Variants in SLC35F2 observed in about 807,000 individuals in gnomAD.
SLC35F2 encodes the protein queuine/queuosine transporter SLC35F2.
In SLC35F2, 25 loss-of-function variants were observed where a neutral mutation model predicts 38.1. The observed-to-expected ratio is 0.66, with a 90% CI of 0.48 to 0.92. The LOEUF is 0.92. Ranked by LOEUF, SLC35F2 falls within the 40% of genes least tolerant of loss-of-function variation. The pLI is 0.00. For missense variants in SLC35F2, 409 were observed against 452.9 expected, an observed-to-expected ratio of 0.90 and a Z score of 0.88; for synonymous variants, 173 against 181.7, an observed-to-expected ratio of 0.95 and a Z score of 0.38.
intron 2 of SLC35F2, 108 bp from the exon 3 acceptor site, chr11:107,811,902 T>G: frequency 9.3e-7 from 1 of 1,069,756 alleles, no homozygotes; most frequent in Non-Finnish European, 1.3e-6. Flanking sequence ...TTTTTTCTTT[T>G]TTCTTCTTCT....
intron 3 of SLC35F2, chr11:107,810,048 A>G: frequency 1.0e-6 from 1 of 985,404 alleles, no homozygotes; most frequent in Non-Finnish European, 1.2e-6. Context: ...CTTAAGAAGA[A>G]GGTTCAAAGA....
intron 1 of SLC35F2, among the ~76,000 whole-genome samples, chr11:107,852,626 T>C (rs925189492): frequency 6.6e-6 from 1 of 151,782 alleles, no homozygotes; most frequent in South Asian, 2.1e-4. Flanking sequence ...TCCCAGCACT[T>C]TGGAGGGGGC....
intron 1 of SLC35F2, among the ~76,000 whole-genome samples, chr11:107,822,084 A>C (rs1158232239): frequency 6.6e-6 from 1 of 152,210 alleles, no homozygotes; most frequent in Non-Finnish European, 1.5e-5. Flanking sequence ...TTGGAAAAAT[A>C]CAAAAAAAAT....
chr11:107,850,878 T>G (rs1188493787), intron 1 of SLC35F2, among the ~76,000 whole-genome samples: 1 of 151,250 alleles, frequency 6.6e-6, no homozygotes, highest in Non-Finnish European at 1.5e-5. Context: ...TTGGGCACAG[T>G]GTCTCACACC....
Position 107,803,028 on chromosome 11 carries a change from A to G in SLC35F2, c.912T>C (p.Phe304=), listed in dbSNP as rs1372512930. 1.2e-6 allele frequency: 2 copies of G among 1,612,462 alleles called. No individual in the cohort carries two copies. The highest frequency in any genetic ancestry group is 1.1e-5 in the South Asian group (1 of 90,728). The change falls in exon 7 of 8, where the codon TTT becomes TTC. Residue 304 remains phenylalanine (F), a synonymous_variant. Transcript: ENST00000525815. ...GILTADLYSL[F]VGLFLFGYKF... is the part of the protein sequence containing the mutation. The stretch of plus-strand genomic sequence containing the variant: ...TATAGCCAAACAGAAAGAGTCCAAC[A>G]AAAAGGCTGTAGAGGTCCGCTGTCA...
At chr11:107,837,726 G>A (rs1318090701) in intron 1 of SLC35F2, among the ~76,000 whole-genome samples, 2 of 151,736 alleles carry the variant, frequency 1.3e-5, no homozygotes, top group East Asian at 3.9e-4. Context: ...TTAATTGTGG[G>A]AATAAAGATA....
At chr11:107,845,680 C>A (rs12296042) in intron 1 of SLC35F2, among the ~76,000 whole-genome samples, 4,384 of 149,310 alleles carry the variant, frequency 0.029, 195 homozygotes, top group African/African-American at 0.1. Context: ...TGGCTGGGCA[C>A]GGTGGCTCAT....
chr11:107,835,550 C>G (rs886839415), intron 1 of SLC35F2, among the ~76,000 whole-genome samples: 4 of 151,996 alleles, frequency 2.6e-5, no homozygotes, highest in Non-Finnish European at 1.5e-5. Flanking sequence ...CCCACCTCAG[C>G]CCCCAAGTAA....
At chr11:107,793,021 A>T (rs1859157776) in intron 7 of SLC35F2, 1 of 620,004 alleles carries the variant, frequency 1.6e-6, no homozygotes, top group African/African-American at 2.0e-5. Context: ...GGCTCCAGTG[A>T]TCCTCCCGCC....
Position 107,832,517 on chromosome 11 carries a change from T to G in SLC35F2, c.111-16552A>C, listed in dbSNP as rs1359778662. On this transcript the variant is annotated intron_variant, in intron 1 of 7. Transcript: ENST00000525815. The stretch of plus-strand genomic sequence containing the variant: ...AGTTTTCAAACAATGAGAAATCTAT[T>G]TACAGCCAAGTGTGGTGGCTCATGC... Among the ~76,000 whole-genome samples the G allele has an allele frequency of 2.0e-5, 3 of 152,186 alleles. No individual in the cohort carries two copies. The East Asian group carries it at 5.8e-4, about 29-fold the overall frequency.
chr11:107,850,541 G>A (rs1488687127), intron 1 of SLC35F2, among the ~76,000 whole-genome samples: 1 of 152,090 alleles, frequency 6.6e-6, no homozygotes, highest in Admixed American at 6.6e-5. Context: ...TCAACTCAAG[G>A]CCGGGCACGG....
chr11:107,808,239 G>C (rs1295106697), intron 3 of SLC35F2, among the ~76,000 whole-genome samples: 1 of 152,112 alleles, frequency 6.6e-6, no homozygotes, highest in African/African-American at 2.4e-5. Flanking sequence ...CCCCTCACCT[G>C]TTGATACTGG....
At chr11:107,840,069 A>C (rs192400680) in intron 1 of SLC35F2, among the ~76,000 whole-genome samples, 420 of 152,236 alleles carry the variant, frequency 2.8e-3, no homozygotes, top group African/African-American at 9.8e-3. Context: ...AACTGTGGGC[A>C]ATATATGGAG....
chr11:107,801,558 G>A (rs1859311360), intron 7 of SLC35F2, among the ~76,000 whole-genome samples: 1 of 151,418 alleles, frequency 6.6e-6, no homozygotes, highest in Admixed American at 6.6e-5. Flanking sequence ...TAAATGACTG[G>A]GGTTCCCAAT....
chr11:107,809,342 A>G (rs1208386425), intron 3 of SLC35F2, among the ~76,000 whole-genome samples: 1 of 150,890 alleles, frequency 6.6e-6, no homozygotes, highest in Non-Finnish European at 1.5e-5. Context: ...AAAAAAAAAA[A>G]AAAAAAAAAA....
At chr11:107,852,945 G>A (rs2134865466) in intron 1 of SLC35F2, among the ~76,000 whole-genome samples, 1 of 151,784 alleles carries the variant, frequency 6.6e-6, no homozygotes, top group Non-Finnish European at 1.5e-5. Context: ...TCAGGAGGCT[G>A]AGACAGGAGA....
intron 1 of SLC35F2, among the ~76,000 whole-genome samples, chr11:107,833,962 A>C (rs660042): frequency 6.6e-6 from 1 of 152,102 alleles, no homozygotes; most frequent in African/African-American, 2.4e-5. Context: ...GTGGGGCTCT[A>C]AATCTTTCAT....
intron 1 of SLC35F2, among the ~76,000 whole-genome samples, chr11:107,818,134 A>AAG (rs71470862): frequency 1.4e-5 from 2 of 147,238 alleles, no homozygotes; most frequent in African/African-American, 4.9e-5. Context: ...GAAAGAAAGA[A>AAG]AAAGAAACAA....
At chr11:107,796,026 G>A (rs572455382) in intron 7 of SLC35F2, among the ~76,000 whole-genome samples, 1 of 152,250 alleles carries the variant, frequency 6.6e-6, no homozygotes, top group Non-Finnish European at 1.5e-5. Context: ...CTACTCGGGA[G>A]GCTGAGGCAG....
Sources: gnomAD v4.1 joint callset for allele counts (sites outside exome capture counted in the v4.1 genomes callset) on GRCh38, gnomAD v4.1.1 for gene constraint, MANE v1.5 for transcripts, NCBI Gene and HGNC (gene_info 2026-07-23, HGNC 2026-07-21) for gene names.